ANK2: variants seen among roughly 807,000 people sequenced by gnomAD.
The protein encoded by ANK2 is ankyrin 2, also known as ankyrin-2.
ANK2 carries 83 observed loss-of-function variants against 360.5 expected under a neutral mutation model. The observed-to-expected ratio is 0.23, with a 90% CI of 0.19 to 0.28. The LOEUF (loss-of-function observed/expected upper bound fraction) is 0.28. Among genes scored for constraint, ANK2 ranks in the 10% least tolerant of loss-of-function variants. ANK2 has a pLI of 1.00. For synonymous variants in ANK2, 1,740 were observed against 1,759.5 expected, an observed-to-expected ratio of 0.99 and a Z score of 0.28; for missense variants, 4,201 against 4,795.7, an observed-to-expected ratio of 0.88 and a Z score of 3.66.
the ANK2 span, among the ~76,000 whole-genome samples, chr4:112,748,930 G>T: frequency 6.6e-6 from 1 of 152,050 alleles, no homozygotes; most frequent in Non-Finnish European, 1.5e-5. Flanking sequence ...ATGGAGTTTC[G>T]CTCTTGTCAC....
intron 1 of ANK2, among the ~76,000 whole-genome samples, chr4:113,157,999 A>T (rs990580129): frequency 4.6e-5 from 7 of 152,246 alleles, no homozygotes; most frequent in Non-Finnish European, 1.0e-4. Flanking sequence ...GTAAGGTGCA[A>T]GGTCTCATTC....
rs1421117757 is a variant in ANK2, at chr4:112,976,306, G to A, written c.21+71792G>A. ...TCTCCCAGGTTCAAGCGATTGTCCT[G>A]CCTCAGCCTCCTGAGTAGCTGGGAT... is the stretch of plus-strand genomic sequence containing the variant. On this transcript the variant is annotated intron_variant, in intron 2 of 30. Coordinates refer to the ANK2 transcript ENST00000503271. Among the ~76,000 whole-genome samples the A allele has an allele frequency of 3.9e-5, 6 of 151,922 alleles. No homozygotes were observed. In the South Asian group the frequency reaches 1.2e-3, roughly 32 times the overall value.
At chr4:113,257,644 T>G (rs1451599483) in intron 11 of ANK2, among the ~76,000 whole-genome samples, 2 of 152,218 alleles carry the variant, frequency 1.3e-5, no homozygotes, top group Non-Finnish European at 2.9e-5. Context: ...ATTCTTATGC[T>G]CTGAGAAATG....
Position 112,841,234 on chromosome 4 carries a change from G to A in ANK2, c.-40+22970G>A, listed in dbSNP as rs368078984. The stretch of plus-strand genomic sequence containing the variant: ...AATATCTTAGTCTTTAAGCAAGTGT[G>A]TGATACAAGAAAACGCACAGTGCAT... On this transcript the variant is annotated intron_variant, in intron 1 of 30. Coordinates refer to the ANK2 transcript ENST00000503271. Among the ~76,000 whole-genome samples, 9 of 152,186 alleles carry A rather than the reference G, an allele frequency of 5.9e-5. No individual in the cohort carries two copies. In the East Asian group the frequency reaches 1.3e-3, roughly 23 times the overall value.
chr4:112,819,730 T>G (rs1578970507), intron 1 of ANK2, among the ~76,000 whole-genome samples: 1 of 152,114 alleles, frequency 6.6e-6, no homozygotes, highest in Non-Finnish European at 1.5e-5. Context: ...AATGAAGACA[T>G]AGAGAAATGG....
intron 1 of ANK2, among the ~76,000 whole-genome samples, chr4:112,849,308 T>C (rs529375934): frequency 2.8e-4 from 42 of 152,330 alleles, no homozygotes; most frequent in African/African-American, 9.6e-4. Flanking sequence ...CTCTATTTCT[T>C]TTAATGACGT....
chr4:113,151,937 C>T (rs991697134), intron 1 of ANK2, among the ~76,000 whole-genome samples: 3 of 148,400 alleles, frequency 2.0e-5, no homozygotes, highest in Non-Finnish European at 4.5e-5. Flanking sequence ...TGTGCTGGCA[C>T]ACATCTGTAA....
At chr4:112,712,412 T>A in the ANK2 span, among the ~76,000 whole-genome samples, 197 of 136,028 alleles carry the variant, frequency 1.4e-3, 2 homozygotes, top group African/African-American at 5.0e-3. Flanking sequence ...ATATATTTTT[T>A]TTTTTTTTTT....
intron 1 of ANK2, among the ~76,000 whole-genome samples, chr4:113,166,409 G>A (rs539298233): frequency 3.6e-4 from 54 of 151,838 alleles, no homozygotes; most frequent in Middle Eastern, 3.5e-3. Flanking sequence ...AAAAATGAGC[G>A]TATATTTACA....
intron 2 of ANK2, among the ~76,000 whole-genome samples, chr4:113,174,731 A>G (rs150688564): frequency 2.6e-3 from 394 of 152,346 alleles, no homozygotes; most frequent in Non-Finnish European, 4.1e-3. Context: ...ATCAAAAACA[A>G]CAACTGAATG....
chr4:113,354,446 G>A lies in ANK2; in HGVS notation c.5828G>A (p.Gly1943Glu), dbSNP rs764180060. The change falls in exon 38 of 46, where the codon GGA becomes GAA. Residue 1943 changes from glycine to glutamate, a missense_variant. Coordinates refer to ENST00000357077, the MANE Select transcript of ANK2 (RefSeq NM_001148.6). ...TEKRLPVSPS[G>E]RTDKHQPVST... ...AAACGCTTGCCTGTTTCACCCTCCG[G>A]AAGAACGGACAAGCACCAACCTGTA... The A allele has an allele frequency of 8.1e-6, 13 of 1,613,868 alleles. No individual in the cohort carries two copies. Among genetic ancestry groups the A allele is most frequent in the Non-Finnish European group, 1.0e-5 (12 of 1,179,954 alleles).
At chr4:112,972,056 G>A (rs1339826696) in intron 2 of ANK2, among the ~76,000 whole-genome samples, 1 of 152,218 alleles carries the variant, frequency 6.6e-6, no homozygotes, top group African/African-American at 2.4e-5. Flanking sequence ...AGTGTTAAGG[G>A]AGGAGGAGTG....
chr4:112,780,441 A>G, the ANK2 span, among the ~76,000 whole-genome samples: 3 of 152,232 alleles, frequency 2.0e-5, no homozygotes, highest in African/African-American at 7.2e-5. Context: ...ATGGTAGAAA[A>G]CAATTATAAT....
At chr4:112,918,893 A>T (rs2090705291) in intron 2 of ANK2, among the ~76,000 whole-genome samples, 1 of 152,216 alleles carries the variant, frequency 6.6e-6, no homozygotes, top group South Asian at 2.1e-4. Context: ...ATGTTTGCAT[A>T]TGATTATATC....
At chr4:113,069,823 A>C (rs899490586) in intron 1 of ANK2, 1 of 152,198 alleles carries the variant, frequency 6.6e-6, no homozygotes, top group Non-Finnish European at 1.5e-5. Flanking sequence ...GCATTAGTCT[A>C]GTCAACCAGT....
chr4:113,237,271 T>A, intron 6 of ANK2, 99 bp downstream of exon 6: 1 of 1,381,956 alleles, frequency 7.2e-7, no homozygotes, highest in Non-Finnish European at 1.0e-6. Flanking sequence ...AATGCAAAAT[T>A]ATTTCTGGTC....
Position 113,277,905 on chromosome 4 carries a change from A to G in ANK2, c.1752A>G (p.Gln584=), listed in dbSNP as rs2060810867. 1.9e-6 allele frequency: 3 copies of G among 1,614,016 alleles called. No homozygotes were observed. In the East Asian group the frequency reaches 6.7e-5, roughly 36 times the overall value. ...TGGATGTGGCAAAACTTCTCTTGCAACGCCGTGCTGCCGCAGATTCTGCAG... is the reference window on the plus strand; with the variant it reads ...TGGATGTGGCAAAACTTCTCTTGCAGCGCCGTGCTGCCGCAGATTCTGCAG... ...GSLDVAKLLL[Q]RRAAADSAGK... is the part of the protein sequence containing the mutation. The change falls in exon 16 of 46, where the codon CAA becomes CAG. Residue 584 remains glutamine (Q), a synonymous_variant. Coordinates refer to ENST00000357077, the MANE Select transcript of ANK2 (RefSeq NM_001148.6).
chr4:113,359,917 A>T (rs952193638), intron 38 of ANK2, among the ~76,000 whole-genome samples: 5 of 152,172 alleles, frequency 3.3e-5, no homozygotes, highest in African/African-American at 4.8e-5. Context: ...TGGAGAATGT[A>T]CTCTCATTAG....
chr4:112,972,951 T>C (rs1157595681), intron 2 of ANK2, among the ~76,000 whole-genome samples: 1 of 152,122 alleles, frequency 6.6e-6, no homozygotes, highest in Non-Finnish European at 1.5e-5. Flanking sequence ...TTCTCACTTA[T>C]GAGTGGGAGC....
Sources: allele counts gnomAD v4.1 joint callset (sites outside exome capture counted in the v4.1 genomes callset), GRCh38; gene constraint gnomAD v4.1.1; transcripts MANE v1.5; gene names NCBI Gene and HGNC (gene_info 2026-07-23, HGNC 2026-07-21).